The following CDC42BPB variants were observed in gnomAD, a reference collection of about 807,000 sequenced individuals.
The protein encoded by CDC42BPB is CDC42 binding protein kinase beta.
A neutral mutation model predicts 214.9 loss-of-function variants in CDC42BPB; 37 were observed. The ratio of observed to expected loss-of-function variants is 0.17; its 90% CI spans 0.13 to 0.23. CDC42BPB has a LOEUF of 0.23. Ranked by LOEUF, CDC42BPB falls within the 10% of genes least tolerant of loss-of-function variation. The probability of loss-of-function intolerance (pLI) is 1.00; values close to 1 mark genes in which losing one functional copy is unlikely to be tolerated. For missense variants in CDC42BPB, 1,694 were observed against 2,227.0 expected (o/e 0.76, Z 4.82); for synonymous variants, 931 against 884.0 (o/e 1.05, Z -0.94).
At position 102,968,286 on chromosome 14, in the gene CDC42BPB, A is replaced by T. The variant is rs747006250; in HGVS notation, c.2313T>A (p.Asp771Glu). ...KYERERAMLF[D>E]ENKKLTAENE... ...TTTCAGCAGTTAGCTTCTTGTTTTC[A>T]TCAAACAGCATCGCTCTTTCTCGTT... is the stretch of plus-strand genomic sequence containing the variant. Residue 771 changes from aspartate to glutamate, a missense_variant, in exon 16 of 37, where the codon GAT (aspartate) becomes GAA (glutamate). Coordinates refer to ENST00000361246, the MANE Select transcript of CDC42BPB (RefSeq NM_006035.4). 1 of 1,613,954 alleles carries T rather than the reference A, an allele frequency of 6.2e-7. No individual in the cohort carries two copies. Among genetic ancestry groups the T allele is most frequent in the Non-Finnish European group, 8.5e-7 (1 of 1,179,940 alleles).
At chr14:102,950,848 C>T (rs977424079) in intron 24 of CDC42BPB, 5 of 199,056 alleles carry the variant, frequency 2.5e-5, no homozygotes, top group African/African-American at 4.7e-5. Context: ...CACCTGTAAT[C>T]CCAGCTACTC....
chr14:103,048,735 G>T (rs576235945), intron 1 of CDC42BPB, among the ~76,000 whole-genome samples: 85 of 149,592 alleles, frequency 5.7e-4, no homozygotes, highest in South Asian at 2.1e-3. Flanking sequence ...TTAGCCAGGT[G>T]TGATGGTGGG....
At position 102,944,482 on chromosome 14, in the gene CDC42BPB, C is replaced by G; in HGVS notation, c.3817G>C (p.Val1273Leu). The G allele has an allele frequency of 1.2e-6, 2 of 1,609,524 alleles. No homozygotes were observed. Among genetic ancestry groups the G allele is most frequent in the South Asian group, 1.1e-5 (1 of 90,844 alleles). The change falls in exon 30 of 37, where the codon GTC becomes CTC. Residue 1273 changes from valine to leucine, a missense_variant. Physicochemically the swap from Val to Leu is conservative, Grantham distance 32 (BLOSUM62 1). Around this residue, in one of 7 missense-constraint regions of CDC42BPB, gnomAD observed 567 missense variants for 790.3 expected, o/e 0.72. Transcript: ENST00000361246. This position sits in a 1 kb window ranked among gnomAD's most constrained non-coding sequence, Gnocchi z 6.6. ...ACCTTCTTACAGTCAGCGGCACGGA[C>G]GATCACTGTGGCAAGGAGGACAAGA... ...YVIEVTRDVI[V>L]RAADCKKVHQ...
chr14:102,967,816 G>C (rs1893285153), intron 16 of CDC42BPB, among the ~76,000 whole-genome samples: 1 of 152,156 alleles, frequency 6.6e-6, no homozygotes, highest in Non-Finnish European at 1.5e-5. Context: ...CCAAACTTCG[G>C]CCGGCGCAGT....
At chr14:102,954,312 C>T in intron 22 of CDC42BPB, 37 bp from the exon 23 acceptor site, 1 of 1,475,440 alleles carries the variant, frequency 6.8e-7, no homozygotes. Flanking sequence ...GTCGGCCCAG[C>T]TCAGCATGGC....
At chr14:103,019,357 G>A (rs534182615) in intron 1 of CDC42BPB, among the ~76,000 whole-genome samples, 2 of 152,218 alleles carry the variant, frequency 1.3e-5, no homozygotes, top group Admixed American at 1.3e-4. Context: ...TGTCCACCAC[G>A]CCTTGCATTG....
At chr14:102,964,313 C>T (rs1893093230) in intron 19 of CDC42BPB, among the ~76,000 whole-genome samples, 189 bp downstream of exon 19, 1 of 152,262 alleles carries the variant, frequency 6.6e-6, no homozygotes, top group African/African-American at 2.4e-5. Context: ...TCGCGGCCAC[C>T]TCAGTGCCAG....
chr14:102,993,829 C>G lies in CDC42BPB; in HGVS notation c.596+5736G>C, dbSNP rs151327253. Among the ~76,000 whole-genome samples the G allele has an allele frequency of 1.1e-3, 164 of 152,144 alleles. 3 individuals carry two copies. In the East Asian group the frequency reaches 0.028, roughly 26 times the overall value. ...TGTAACAAGCTCTATACCTGGCTGC[C>G]GGGAAGAAATGGATTAAAGACAAGG... On this transcript the variant is annotated intron_variant, in intron 5 of 36. Coordinates refer to ENST00000361246, the MANE Select transcript of CDC42BPB (RefSeq NM_006035.4).
At chr14:103,027,191 G>GT (rs1318924098) in intron 1 of CDC42BPB, among the ~76,000 whole-genome samples, 6 of 152,142 alleles carry the variant, frequency 3.9e-5, no homozygotes, top group African/African-American at 1.4e-4. Context: ...ATCATAACAA[G>GT]CGTTGGCCAT....
intron 1 of CDC42BPB, among the ~76,000 whole-genome samples, chr14:103,015,021 A>T (rs1886378321): frequency 6.6e-6 from 1 of 152,170 alleles, no homozygotes; most frequent in African/African-American, 2.4e-5. Flanking sequence ...TTTTGATAAA[A>T]CACATTTTGT....
chr14:102,973,380 C>T (rs1043808630), intron 12 of CDC42BPB, among the ~76,000 whole-genome samples: 2 of 152,200 alleles, frequency 1.3e-5, no homozygotes, highest in African/African-American at 4.8e-5. Flanking sequence ...AGAAAACACG[C>T]ATATAATTGT....
intron 24 of CDC42BPB, 168 bp from the exon 25 acceptor site, chr14:102,950,770 A>G (rs1015052653): frequency 9.2e-6 from 7 of 756,922 alleles, no homozygotes; most frequent in Non-Finnish European, 1.1e-5. Context: ...GTTTGAGACC[A>G]GCCTGGCCAA....
intron 19 of CDC42BPB, chr14:102,963,381 G>A (rs187067831): frequency 8.5e-5 from 61 of 720,334 alleles, no homozygotes; most frequent in Non-Finnish European, 4.8e-5. Context: ...TTAGGAAGGC[G>A]TGTCTCATGA....
At chr14:102,959,980 G>T (rs1305375057) in intron 20 of CDC42BPB, 3 of 277,438 alleles carry the variant, frequency 1.1e-5, no homozygotes, top group Non-Finnish European at 1.6e-5. Context: ...GCCGAGGTGG[G>T]CGGATCACCT....
intron 5 of CDC42BPB, among the ~76,000 whole-genome samples, chr14:102,998,746 G>C (rs34539819): frequency 6.6e-6 from 1 of 152,182 alleles, no homozygotes; most frequent in African/African-American, 2.4e-5. Flanking sequence ...TATTTCCTTT[G>C]TGAGTGTCCT....
intron 16 of CDC42BPB, 35 bp downstream of exon 16, chr14:102,968,214 CCACA>C: frequency 6.8e-7 from 1 of 1,470,070 alleles, no homozygotes; most frequent in Non-Finnish European, 9.5e-7. Flanking sequence ...ATTACAACTT[CCACA>C]CAAAGTGCTA....
chr14:103,030,051 G>C (rs948234631), intron 1 of CDC42BPB, among the ~76,000 whole-genome samples: 8 of 150,936 alleles, frequency 5.3e-5, no homozygotes, highest in African/African-American at 1.9e-4. Context: ...TCACAGGGTG[G>C]CTGCTCCTGA....
In CDC42BPB at chr14:102,954,639, G is replaced by A. The variant is rs771946677; in HGVS notation, c.2951C>T (p.Ser984Phe). ...TGATGCAGCCACAGACATCGACGGG[G>A]ACGCTTCTGGCTTCGGAGCTTGTGT... Reference protein sequence around the residue: ...QETQAPKPEASPSMSVAASEQ... With the variant: ...QETQAPKPEAFPSMSVAASEQ... The change falls in exon 22 of 37, where the codon TCC becomes TTC. Residue 984 changes from serine to phenylalanine, a missense_variant. By Grantham distance (155) the Ser-to-Phe change is radical. Transcript: ENST00000361246. 6.2e-7 allele frequency: 1 copy of A among 1,614,052 alleles called. No homozygotes were observed. Among genetic ancestry groups the A allele is most frequent in the Admixed American group, 1.7e-5 (1 of 60,020 alleles).
At chr14:103,016,163 G>A (rs1348326627) in intron 1 of CDC42BPB, among the ~76,000 whole-genome samples, 3 of 152,264 alleles carry the variant, frequency 2.0e-5, no homozygotes, top group African/African-American at 7.2e-5. Flanking sequence ...TGACTGGAAG[G>A]AGTGCAGCCA....
Sources: gnomAD v4.1 joint callset for allele counts (sites outside exome capture counted in the v4.1 genomes callset) on GRCh38, gnomAD v4.1.1 for gene constraint, gnomAD v4.1.1 regional missense constraint, Gnocchi (gnomAD v3.1) non-coding constraint, MANE v1.5 for transcripts, NCBI Gene and HGNC (gene_info 2026-07-23, HGNC 2026-07-21) for gene names.